Variants in SSBP3 observed in about 807,000 individuals in gnomAD.
The protein encoded by SSBP3 is single stranded DNA binding protein 3, also known as single-stranded DNA-binding protein 3.
In SSBP3, 5 loss-of-function variants were observed where a neutral mutation model predicts 69.6. The ratio of observed to expected loss-of-function variants is 0.07; its 90% CI spans 0.04 to 0.15. The LOEUF is 0.15. Among genes scored for constraint, SSBP3 ranks in the 10% least tolerant of loss-of-function variants. The pLI is 1.00. For missense variants in SSBP3, 312 were observed against 534.0 expected (o/e 0.58, Z 4.10); for synonymous variants, 196 against 193.4 (o/e 1.01, Z -0.11).
At chr1:54,247,746 C>T (rs778696415) in intron 9 of SSBP3, among the ~76,000 whole-genome samples, 17 of 152,172 alleles carry the variant, frequency 1.1e-4, no homozygotes, top group African/African-American at 2.9e-4. Context: ...TGGGAGCCAC[C>T]GCACTTCTGG....
In SSBP3 at chr1:54,322,416, G is replaced by A. The variant is rs12094726; in HGVS notation, c.277-40889C>T. On this transcript the variant is annotated intron_variant, in intron 4 of 17. Coordinates refer to ENST00000610401, the Ensembl canonical transcript of SSBP3. The stretch of plus-strand genomic sequence containing the variant: ...GACAATGGCTAGCCTTCTCTGATGT[G>A]TGCCCACCACACATCAGAACTTTTT... 1.6e-3 allele frequency among the ~76,000 whole-genome samples: 245 copies of A among 152,226 alleles called. 1 individual carries two copies. The highest frequency in any genetic ancestry group is 5.4e-3 in the African/African-American group (223 of 41,548).
chr1:54,235,886 T>G (rs923046995), intron 14 of SSBP3, among the ~76,000 whole-genome samples: 1 of 152,224 alleles, frequency 6.6e-6, no homozygotes, highest in African/African-American at 2.4e-5. Context: ...ATAGTTTTAA[T>G]GAAGAAATTG....
intron 4 of SSBP3, among the ~76,000 whole-genome samples, chr1:54,334,020 C>T (rs909282881): frequency 3.9e-5 from 6 of 152,202 alleles, no homozygotes; most frequent in African/African-American, 1.4e-4. Context: ...CATACCACTG[C>T]ACTCCAGCTT....
intron 13 of SSBP3, 105 bp from the exon 14 acceptor site, chr1:54,239,304 T>G: frequency 4.4e-6 from 4 of 905,356 alleles, no homozygotes. Context: ...TAACCTAAAA[T>G]TTCCTCTAAG....
intron 4 of SSBP3, among the ~76,000 whole-genome samples, chr1:54,383,515 C>A (rs1647841611): frequency 6.6e-6 from 1 of 152,192 alleles, no homozygotes; most frequent in South Asian, 2.1e-4. Flanking sequence ...CAGCTCCAAG[C>A]CCTAAGCCAC....
chr1:54,237,788 C>A (rs569390198), intron 14 of SSBP3: 12 of 216,986 alleles, frequency 5.5e-5, no homozygotes, highest in Middle Eastern at 3.6e-3. Flanking sequence ...AACACTGAAT[C>A]TGCAGCAGAC....
intron 4 of SSBP3, among the ~76,000 whole-genome samples, chr1:54,333,215 A>C (rs1196921954): frequency 6.6e-6 from 1 of 152,176 alleles, no homozygotes; most frequent in Non-Finnish European, 1.5e-5. Flanking sequence ...ACCCCACAGA[A>C]TACGGAAAGG....
chr1:54,317,135 A>G (rs1173490000), intron 4 of SSBP3, among the ~76,000 whole-genome samples: 1 of 152,216 alleles, frequency 6.6e-6, no homozygotes, highest in East Asian at 1.9e-4. Context: ...TGTTATGTAC[A>G]ATGGCAGGGT....
At chr1:54,226,893 A>G (rs938425580) in exon 18 of SSBP3, 7 of 532,024 alleles carry the variant, frequency 1.3e-5, no homozygotes, top group African/African-American at 9.7e-5. Context: ...ACTGACTTGA[A>G]ATACATTTTT....
At chr1:54,369,600 T>C (rs942198587) in intron 4 of SSBP3, among the ~76,000 whole-genome samples, 1 of 152,250 alleles carries the variant, frequency 6.6e-6, no homozygotes, top group Non-Finnish European at 1.5e-5. Context: ...TGCAGTCGTC[T>C]GTTCTTGTGG....
rs1424888251 is a variant in SSBP3, at chr1:54,282,996, G to A, written c.277-1469C>T. Among the ~76,000 whole-genome samples the A allele has an allele frequency of 8.5e-5, 13 of 152,332 alleles. No individual in the cohort carries two copies. In the East Asian group the frequency reaches 2.5e-3, roughly 29 times the overall value. ...AAATAGGAACCAGAGGCTGGGCGTGGTGGCTCACTCCTGTAACCCCGACAC... is the reference window on the plus strand; with the variant it reads ...AAATAGGAACCAGAGGCTGGGCGTGATGGCTCACTCCTGTAACCCCGACAC... On this transcript the variant is annotated intron_variant, in intron 4 of 17. Transcript: ENST00000610401.
intron 4 of SSBP3, among the ~76,000 whole-genome samples, chr1:54,361,993 G>T (rs1646958950): frequency 6.6e-6 from 1 of 152,204 alleles, no homozygotes; most frequent in South Asian, 2.1e-4. Context: ...TAAAAGTTCA[G>T]GAAGGAGAGG....
At chr1:54,284,102 ACTT>A (rs1645444363) in intron 4 of SSBP3, among the ~76,000 whole-genome samples, 2 of 102,014 alleles carry the variant, frequency 2.0e-5, no homozygotes, top group East Asian at 5.1e-4. Context: ...TTATTTAACC[ACTT>A]TTTTTTTTTT....
intron 14 of SSBP3, among the ~76,000 whole-genome samples, chr1:54,232,359 T>G (rs1644394664): frequency 6.6e-6 from 1 of 152,180 alleles, no homozygotes; most frequent in South Asian, 2.1e-4. Flanking sequence ...TGCACTCAAG[T>G]GATCCACCTG....
At chr1:54,323,221 T>C (rs1016151361) in intron 4 of SSBP3, among the ~76,000 whole-genome samples, 2 of 152,058 alleles carry the variant, frequency 1.3e-5, no homozygotes, top group African/African-American at 4.8e-5. Flanking sequence ...AGAAAAAAAA[T>C]TTAAGCCCCC....
intron 5 of SSBP3, among the ~76,000 whole-genome samples, chr1:54,275,909 G>C (rs1298358516): frequency 1.3e-5 from 2 of 152,146 alleles, no homozygotes; most frequent in Non-Finnish European, 2.9e-5. Context: ...CAGGAGATGG[G>C]GAAAGATTTT....
chr1:54,326,366 TC>T (rs1646304797), intron 4 of SSBP3: 2 of 152,712 alleles, frequency 1.3e-5, no homozygotes, highest in Non-Finnish European at 2.9e-5. Flanking sequence ...CCCTCCCGCA[TC>T]CCTTCCTCTT....
At chr1:54,243,473 GACC>G (rs1644678205) in intron 9 of SSBP3, 174 bp from the exon 10 acceptor site, 1 of 708,542 alleles carries the variant, frequency 1.4e-6, no homozygotes, top group African/African-American at 1.8e-5. Context: ...AAGTCACAGG[GACC>G]ACAATGACAA....
intron 14 of SSBP3, among the ~76,000 whole-genome samples, chr1:54,232,672 C>T (rs959773926): frequency 6.2e-4 from 94 of 150,634 alleles, no homozygotes; most frequent in African/African-American, 2.3e-3. Flanking sequence ...GCTGCCATCT[C>T]AGCTCACTGC....
Sources: gnomAD v4.1 joint callset for allele counts (sites outside exome capture counted in the v4.1 genomes callset) on GRCh38, gnomAD v4.1.1 for gene constraint, MANE v1.5 for transcripts, NCBI Gene and HGNC (gene_info 2026-07-23, HGNC 2026-07-21) for gene names.